Variants in ARHGAP22 observed in about 807,000 individuals in gnomAD.
ARHGAP22 encodes the protein Rho GTPase activating protein 22, also known as rho GTPase-activating protein 22.
In ARHGAP22, 48 loss-of-function variants were observed where a neutral mutation model predicts 59.1. That is an observed-to-expected ratio of 0.81 (90% CI 0.64 to 1.03). ARHGAP22 has a LOEUF of 1.03. Among genes scored for constraint, ARHGAP22 ranks in the 50% least tolerant of loss-of-function variants. ARHGAP22 has a pLI of 0.00. For missense variants in ARHGAP22, 1,015 were observed against 958.7 expected, an observed-to-expected ratio of 1.06 and a Z score of -0.78; for synonymous variants, 445 against 416.4, an observed-to-expected ratio of 1.07 and a Z score of -0.84.
intron 3 of ARHGAP22, among the ~76,000 whole-genome samples, chr10:48,517,219 A>AAATTC (rs1433497757): frequency 6.6e-6 from 1 of 152,224 alleles, no homozygotes; most frequent in Non-Finnish European, 1.5e-5. Flanking sequence ...ATATAAATTC[A>AAATTC]AATTCAATTC....
intron 8 of ARHGAP22, among the ~76,000 whole-genome samples, chr10:48,451,806 C>T (rs2045989799): frequency 6.6e-6 from 1 of 150,972 alleles, no homozygotes; most frequent in Admixed American, 6.6e-5. Flanking sequence ...TCCCGAAAAT[C>T]CCACACACAT....
At chr10:48,516,028 C>A (rs1348340712) in intron 3 of ARHGAP22, among the ~76,000 whole-genome samples, 1 of 149,116 alleles carries the variant, frequency 6.7e-6, no homozygotes. Context: ...AAAAACAAAA[C>A]AAAAAACAAA....
chr10:48,571,240 T>A (rs1261734519), intron 2 of ARHGAP22, among the ~76,000 whole-genome samples: 2 of 152,156 alleles, frequency 1.3e-5, no homozygotes, highest in Admixed American at 6.5e-5. Flanking sequence ...GACCACTCCA[T>A]CAGAATGAAG....
chr10:48,558,625 C>T (rs368630873), intron 2 of ARHGAP22, among the ~76,000 whole-genome samples: 1 of 152,160 alleles, frequency 6.6e-6, no homozygotes, highest in African/African-American at 2.4e-5. Context: ...CCTCGGCCTC[C>T]CAAAGTGTTG....
intron 2 of ARHGAP22, among the ~76,000 whole-genome samples, chr10:48,573,148 C>T (rs77098188): frequency 0.02 from 3,087 of 152,260 alleles, 41 homozygotes; most frequent in Non-Finnish European, 0.034. Context: ...GGAGCCATGT[C>T]GCCTGCCCCT....
rs576174292 is a variant in ARHGAP22 at position 48,553,722 on chromosome 10, C to T, written c.322+1741G>A. Among the ~76,000 whole-genome samples, 10 of 152,200 alleles carry T rather than the reference C, an allele frequency of 6.6e-5. No individual in the cohort carries two copies. In the East Asian group the frequency reaches 9.7e-4, roughly 15 times the overall value. ...TATATGGCAAAGGGTCTTCTCCTAC[C>T]GCCCCCAACACCCCCAACACCACTG... On this transcript the variant is annotated intron_variant, in intron 3 of 9. Coordinates refer to ENST00000249601, the MANE Select transcript of ARHGAP22 (RefSeq NM_021226.4).
chr10:48,573,594 T>C (rs536691376), intron 2 of ARHGAP22, among the ~76,000 whole-genome samples: 14 of 152,258 alleles, frequency 9.2e-5, no homozygotes, highest in Non-Finnish European at 2.1e-4. Context: ...GCAACTTCCT[T>C]TTTATAATTC....
intron 4 of ARHGAP22, among the ~76,000 whole-genome samples, chr10:48,463,935 G>A (rs2047399982): frequency 6.6e-6 from 1 of 152,210 alleles, no homozygotes; most frequent in Admixed American, 6.5e-5. Context: ...AGTCAAGGAA[G>A]AGATACATGG....
chr10:48,643,158 G>C (rs529594441), intron 1 of ARHGAP22, among the ~76,000 whole-genome samples: 1 of 152,150 alleles, frequency 6.6e-6, no homozygotes, highest in Non-Finnish European at 1.5e-5. Flanking sequence ...AAACTAGTTC[G>C]ACCATTGTGG....
the ARHGAP22 span, chr10:48,435,329 T>G: frequency 3.9e-6 from 1 of 257,098 alleles, no homozygotes; most frequent in African/African-American, 2.2e-5. Flanking sequence ...CTTATGCTGC[T>G]GATTTTTTTA....
chr10:48,559,000 T>C (rs912029848), intron 2 of ARHGAP22, among the ~76,000 whole-genome samples: 6 of 152,246 alleles, frequency 3.9e-5, no homozygotes, highest in Non-Finnish European at 7.3e-5. Context: ...GCCTGTGTTT[T>C]GCCAAGATTC....
chr10:48,523,575 T>C (rs1358101910), intron 3 of ARHGAP22, among the ~76,000 whole-genome samples: 1 of 152,160 alleles, frequency 6.6e-6, no homozygotes, highest in Admixed American at 6.5e-5. Flanking sequence ...CCGTCCAAGT[T>C]TGTGACAGAG....
At chr10:48,447,972 A>G (rs1347636450) in intron 9 of ARHGAP22, among the ~76,000 whole-genome samples, 1 of 63,898 alleles carries the variant, frequency 1.6e-5, no homozygotes, top group Admixed American at 1.9e-4. Context: ...CACACCCCCC[A>G]TAGGTCAGGC....
chr10:48,583,105 G>T lies in ARHGAP22; in HGVS notation c.82C>A (p.Arg28=). The stretch of plus-strand genomic sequence containing the variant: ...CCCAGCCTGTGAGGGCACGGCATCC[G>T]CCCAGGGCTCCGGCTCTGCTCCCCC... ...VMGEQSRSPG[R]MPCPHRLGPV... The change falls in exon 2 of 10, where the codon CGG becomes AGG. Residue 28 remains arginine, a synonymous_variant. Transcript: ENST00000249601. The T allele has an allele frequency of 6.2e-7, 1 of 1,614,242 alleles. No homozygotes were observed. The highest frequency in any genetic ancestry group is 8.5e-7 in the Non-Finnish European group (1 of 1,180,048).
chr10:48,625,068 T>C (rs964725498), intron 1 of ARHGAP22: 1 of 151,912 alleles, frequency 6.6e-6, no homozygotes, highest in Non-Finnish European at 1.5e-5. Flanking sequence ...GAGACCTGAG[T>C]GTAAATCCTT....
chr10:48,551,553 AC>A (rs1463330282), intron 3 of ARHGAP22, among the ~76,000 whole-genome samples: 3 of 152,122 alleles, frequency 2.0e-5, no homozygotes, highest in Non-Finnish European at 4.4e-5. Context: ...CCTCCCTTAA[AC>A]TTTATAAGTG....
chr10:48,640,396 A>G (rs1410093404), intron 1 of ARHGAP22, among the ~76,000 whole-genome samples: 1 of 152,234 alleles, frequency 6.6e-6, no homozygotes, highest in Non-Finnish European at 1.5e-5. Flanking sequence ...AATCCCAAGT[A>G]GGATAAATAC....
chr10:48,518,886 G>A (rs960189033), intron 3 of ARHGAP22, among the ~76,000 whole-genome samples: 1 of 152,224 alleles, frequency 6.6e-6, no homozygotes, highest in Non-Finnish European at 1.5e-5. Context: ...AGGATGTGGG[G>A]ATGGCAAATT....
intron 3 of ARHGAP22, among the ~76,000 whole-genome samples, chr10:48,541,934 G>C (rs914404176): frequency 6.6e-6 from 1 of 152,238 alleles, no homozygotes; most frequent in African/African-American, 2.4e-5. Context: ...GGATCAGGAA[G>C]AGCCACCTGT....
Sources: gnomAD v4.1 joint callset for allele counts (sites outside exome capture counted in the v4.1 genomes callset) on GRCh38, gnomAD v4.1.1 for gene constraint, MANE v1.5 for transcripts, NCBI Gene and HGNC (gene_info 2026-07-23, HGNC 2026-07-21) for gene names.